PLA2G4C: variants seen among roughly 807,000 people sequenced by gnomAD.
The protein encoded by PLA2G4C is cytosolic phospholipase A2 gamma.
Under a neutral mutation model 73.8 loss-of-function variants are expected in PLA2G4C, and 64 were observed. That is an observed-to-expected ratio of 0.87 (90% CI 0.71 to 1.07). The LOEUF (loss-of-function observed/expected upper bound fraction) is 1.07, where lower values mean the gene tolerates loss of function less well. PLA2G4C is among the 50% of genes least tolerant of loss of function. PLA2G4C has a pLI of 0.00. For synonymous variants in PLA2G4C, 254 were observed against 252.1 expected, an observed-to-expected ratio of 1.01 and a Z score of -0.07; for missense variants, 622 against 665.4, an observed-to-expected ratio of 0.93 and a Z score of 0.72.
At chr19:48,080,352 G>T (rs1791334508) in intron 10 of PLA2G4C, among the ~76,000 whole-genome samples, 1 of 152,018 alleles carries the variant, frequency 6.6e-6, no homozygotes, top group African/African-American at 2.4e-5. Flanking sequence ...TGGATGCGGT[G>T]CAAATGGAAC....
chr19:48,097,294 C>T (rs1363028785), intron 6 of PLA2G4C, among the ~76,000 whole-genome samples: 1 of 138,264 alleles, frequency 7.2e-6, no homozygotes, highest in Non-Finnish European at 1.5e-5. Context: ...GCTCTGTCGC[C>T]CAGGCTGGAG....
intron 11 of PLA2G4C, among the ~76,000 whole-genome samples, chr19:48,075,780 CT>C (rs1289379877): frequency 1.3e-5 from 2 of 152,064 alleles, no homozygotes; most frequent in Non-Finnish European, 1.5e-5. Flanking sequence ...GTTGCCATTT[CT>C]TTTTTGTTGT....
chr19:48,106,976 C>A (rs1029805901), intron 1 of PLA2G4C, among the ~76,000 whole-genome samples: 1 of 152,100 alleles, frequency 6.6e-6, no homozygotes, highest in African/African-American at 2.4e-5. Flanking sequence ...TCCTGAGTAT[C>A]TGGGATTACA....
At chr19:48,077,177 T>A (rs1192874245) in intron 11 of PLA2G4C, among the ~76,000 whole-genome samples, 1 of 152,162 alleles carries the variant, frequency 6.6e-6, no homozygotes, top group East Asian at 1.9e-4. Context: ...GACGACTATG[T>A]ACATGGATCC....
At chr19:48,109,761 TG>T (rs1215131952) in intron 1 of PLA2G4C, among the ~76,000 whole-genome samples, 1 of 151,816 alleles carries the variant, frequency 6.6e-6, no homozygotes, top group Non-Finnish European at 1.5e-5. Flanking sequence ...GCCATTCTCC[TG>T]CCTCAGCCTC....
At chr19:48,104,943 T>C (rs4427919) in intron 3 of PLA2G4C, among the ~76,000 whole-genome samples, 48,575 of 151,450 alleles carry the variant, frequency 0.32, 11,385 homozygotes, top group African/African-American at 0.67. Context: ...ATTAGCTGGG[T>C]GTGGTGGCAC....
In PLA2G4C at chr19:48,101,176, G is replaced by A. The variant is rs550215278; in HGVS notation, c.258-1316C>T. ...GTCTTGCTCTGTTGCCCAGACTAGA[G>A]TGCAGTGGCATGATCTTGGCTCACT... On this transcript the variant is annotated intron_variant, in intron 4 of 16. Coordinates refer to ENST00000599921, the MANE Select transcript of PLA2G4C (RefSeq NM_003706.3). Among the ~76,000 whole-genome samples, 293 of 142,540 alleles carry A rather than the reference G, an allele frequency of 2.1e-3. 1 individual carries two copies. Among genetic ancestry groups the A allele is most frequent in the South Asian group, 0.013 (59 of 4,560 alleles). 93.5% of individuals were successfully genotyped at this position (142,540 alleles called of 152,430 possible).
At chr19:48,083,183 T>C (rs1389636238) in intron 10 of PLA2G4C, among the ~76,000 whole-genome samples, 1 of 152,126 alleles carries the variant, frequency 6.6e-6, no homozygotes, top group African/African-American at 2.4e-5. Flanking sequence ...GACACTCCCA[T>C]GTGTCAAGCT....
chr19:48,056,425 G>A (rs191385346), intron 14 of PLA2G4C, among the ~76,000 whole-genome samples: 368 of 152,260 alleles, frequency 2.4e-3, no homozygotes, highest in African/African-American at 8.1e-3. Flanking sequence ...GCAGGTGCCT[G>A]TAATCCCAGC....
At chr19:48,058,746 A>G (rs1968057043) in intron 14 of PLA2G4C, among the ~76,000 whole-genome samples, 1 of 151,394 alleles carries the variant, frequency 6.6e-6, no homozygotes, top group Admixed American at 6.6e-5. Flanking sequence ...TGAACCCGGG[A>G]GGCGAAGGTT....
At chr19:48,060,093 C>T (rs373184449) in intron 14 of PLA2G4C, among the ~76,000 whole-genome samples, 5 of 151,884 alleles carry the variant, frequency 3.3e-5, no homozygotes, top group Admixed American at 6.6e-5. Flanking sequence ...TTGAGGCTTT[C>T]GGACTCGGAC....
intron 4 of PLA2G4C, among the ~76,000 whole-genome samples, chr19:48,102,797 C>T (rs7259659): frequency 0.14 from 21,248 of 152,120 alleles, 1,576 homozygotes; most frequent in African/African-American, 0.19. Flanking sequence ...TTGAACTTGA[C>T]CGTTCTGCAG....
chr19:48,099,294 T>C (rs1223870169), intron 5 of PLA2G4C, among the ~76,000 whole-genome samples: 1 of 151,706 alleles, frequency 6.6e-6, no homozygotes, highest in Non-Finnish European at 1.5e-5. Context: ...TAAAATAAAA[T>C]AGTGAATTCA....
chr19:48,074,592 T>C (rs921708881), intron 12 of PLA2G4C, 175 bp downstream of exon 12: 1 of 619,432 alleles, frequency 1.6e-6, no homozygotes, highest in Non-Finnish European at 2.9e-6. Context: ...TAATTTACAT[T>C]GGGGGATTAC....
At chr19:48,067,941 G>T in intron 12 of PLA2G4C, 55 bp from the exon 13 acceptor site, 1 of 1,242,052 alleles carries the variant, frequency 8.1e-7, no homozygotes, top group Non-Finnish European at 1.2e-6. Context: ...AGTGGTTTCT[G>T]CCCCCACCAA....
chr19:48,053,994 G>A (rs1363619602), intron 15 of PLA2G4C, among the ~76,000 whole-genome samples: 1 of 152,146 alleles, frequency 6.6e-6, no homozygotes, highest in Non-Finnish European at 1.5e-5. Context: ...GCTGCAGAGA[G>A]AGGCAGCAAC....
intron 14 of PLA2G4C, among the ~76,000 whole-genome samples, chr19:48,057,477 C>CTTTTTTTTTTTTTTT (rs1265460823): frequency 1.8e-4 from 3 of 16,852 alleles, no homozygotes; most frequent in Non-Finnish European, 2.5e-4. Flanking sequence ...TCTTCTTCTT[C>CTTTTTTTTTTTTTTT]TTCTTCTTTT....
intron 7 of PLA2G4C, among the ~76,000 whole-genome samples, chr19:48,094,489 G>A (rs1019177013): frequency 1.3e-5 from 2 of 152,096 alleles, no homozygotes; most frequent in Admixed American, 1.3e-4. Flanking sequence ...ACCATGTGCT[G>A]GACACTGGGC....
intron 10 of PLA2G4C, among the ~76,000 whole-genome samples, chr19:48,082,496 C>CTTTCTT (rs754484587): frequency 2.8e-5 from 3 of 106,280 alleles, no homozygotes; most frequent in African/African-American, 3.8e-5. Context: ...TTCTTTCTTT[C>CTTTCTT]TTTTTTTTTT....
Sources: allele counts gnomAD v4.1 joint callset (sites outside exome capture counted in the v4.1 genomes callset), GRCh38; gene constraint gnomAD v4.1.1; transcripts MANE v1.5; gene names NCBI Gene and HGNC (gene_info 2026-07-23, HGNC 2026-07-21).